Variants in TENM2 observed in about 807,000 individuals in gnomAD.
TENM2 encodes teneurin transmembrane protein 2.
In TENM2, 52 loss-of-function variants were observed where a neutral mutation model predicts 245.2. The observed-to-expected ratio is 0.21, with a 90% CI of 0.17 to 0.27. The LOEUF (loss-of-function observed/expected upper bound fraction) is 0.27. Among genes scored for constraint, TENM2 ranks in the 10% least tolerant of loss-of-function variants. The probability of loss-of-function intolerance (pLI) is 1.00; values close to 1 mark genes in which losing one functional copy is unlikely to be tolerated. For missense variants in TENM2, 3,046 were observed against 3,666.8 expected (o/e 0.83, Z 4.37); for synonymous variants, 1,363 against 1,438.9 (o/e 0.95, Z 1.19).
chr5:167,265,783 T>G, the TENM2 span, among the ~76,000 whole-genome samples: 74 of 152,314 alleles, frequency 4.9e-4, no homozygotes, highest in Admixed American at 9.2e-4. Context: ...GCACACATGT[T>G]ACGGTTCCAG....
chr5:167,800,445 G>A (rs1200080156), intron 2 of TENM2, among the ~76,000 whole-genome samples: 1 of 152,148 alleles, frequency 6.6e-6, no homozygotes, highest in Non-Finnish European at 1.5e-5. Flanking sequence ...TTATCCAGGT[G>A]ACTTGCTCAA....
chr5:167,512,686 T>C (rs1770051452), intron 2 of TENM2, among the ~76,000 whole-genome samples: 1 of 152,194 alleles, frequency 6.6e-6, no homozygotes, highest in African/African-American at 2.4e-5. Context: ...TATTACAAAA[T>C]TATTTTTAAA....
intron 3 of TENM2, among the ~76,000 whole-genome samples, chr5:167,898,686 C>A (rs979458436): frequency 1.6e-4 from 24 of 152,248 alleles, no homozygotes; most frequent in African/African-American, 5.8e-4. Context: ...TTAAGGAGAA[C>A]CTTGCCTAAG....
chr5:167,259,445 T>C, the TENM2 span, among the ~76,000 whole-genome samples: 1 of 152,198 alleles, frequency 6.6e-6, no homozygotes. Context: ...ATCATTTAAA[T>C]AATGAGTCAA....
At chr5:167,769,699 A>T (rs2150757439) in intron 2 of TENM2, among the ~76,000 whole-genome samples, 1 of 152,290 alleles carries the variant, frequency 6.6e-6, no homozygotes, top group South Asian at 2.1e-4. Context: ...CTATGTCTGC[A>T]AATCAACACT....
At chr5:167,734,289 T>G (rs75436596) in intron 2 of TENM2, among the ~76,000 whole-genome samples, 6,021 of 152,124 alleles carry the variant, frequency 0.04, 414 homozygotes, top group East Asian at 0.25. Flanking sequence ...TAAAGCTAAC[T>G]GTGAGGACTC....
chr5:167,341,637 G>C (rs1758103862), intron 1 of TENM2, among the ~76,000 whole-genome samples: 1 of 151,804 alleles, frequency 6.6e-6, no homozygotes. Context: ...TTAAATGTCT[G>C]TATATTATTG....
intron 2 of TENM2, among the ~76,000 whole-genome samples, chr5:167,378,470 T>C (rs1760902216): frequency 1.3e-5 from 2 of 151,652 alleles, no homozygotes; most frequent in Non-Finnish European, 2.9e-5. Context: ...CTGGCTTGGA[T>C]TGGGTTGCTT....
chr5:168,205,377 G>A (rs2152540856), intron 19 of TENM2, among the ~76,000 whole-genome samples: 1 of 151,698 alleles, frequency 6.6e-6, no homozygotes. Flanking sequence ...TTTGTGTTCT[G>A]GTAAGGAGCC....
At chr5:167,121,701 G>T in the TENM2 span, among the ~76,000 whole-genome samples, 1 of 152,318 alleles carries the variant, frequency 6.6e-6, no homozygotes, top group Admixed American at 6.5e-5. Flanking sequence ...AAAGTCTCTA[G>T]GAGTACATAG....
chr5:167,951,036 T>C (rs910155414), intron 3 of TENM2, among the ~76,000 whole-genome samples: 2 of 152,238 alleles, frequency 1.3e-5, no homozygotes, highest in Non-Finnish European at 2.9e-5. Flanking sequence ...TCAAGGAACC[T>C]GTTTCCTCCA....
the TENM2 span, among the ~76,000 whole-genome samples, chr5:166,996,633 C>A: frequency 6.6e-6 from 1 of 152,164 alleles, no homozygotes; most frequent in East Asian, 1.9e-4. Flanking sequence ...TGATACAAAG[C>A]CTGTGCTCAT....
At chr5:167,115,384 TC>T in the TENM2 span, among the ~76,000 whole-genome samples, 4 of 152,226 alleles carry the variant, frequency 2.6e-5, no homozygotes, top group African/African-American at 4.8e-5. Flanking sequence ...GTGCATTTAT[TC>T]TTGATACGAA....
chr5:167,931,753 C>A (rs1429083718), intron 3 of TENM2, among the ~76,000 whole-genome samples: 1 of 152,148 alleles, frequency 6.6e-6, no homozygotes, highest in Non-Finnish European at 1.5e-5. Context: ...TCAGAAATAG[C>A]TGGATTATTT....
Position 167,474,519 on chromosome 5 carries a change from C to CTTT in TENM2, c.502+99056_502+99058dup, listed in dbSNP as rs35361317. On this transcript the variant is annotated intron_variant, in intron 2 of 28. Transcript: ENST00000518659. ...TAGACTGTTTTTTTAAATAAGTAGA[C>CTTT]TTTTTTTTTTTTGAGACGGAGTCTC... is the stretch of plus-strand genomic sequence containing the variant. 9.0e-4 allele frequency among the ~76,000 whole-genome samples: 133 copies of CTTT among 147,494 alleles called. 1 individual carries two copies. Among genetic ancestry groups the CTTT allele is most frequent in the Middle Eastern group, 3.5e-3 (1 of 286 alleles).
At chr5:167,507,576 G>A (rs1769639789) in intron 2 of TENM2, among the ~76,000 whole-genome samples, 1 of 152,150 alleles carries the variant, frequency 6.6e-6, no homozygotes, top group Admixed American at 6.6e-5. Flanking sequence ...TCACATCACT[G>A]GTCTGGGCCA....
At chr5:167,774,312 T>G (rs952837325) in intron 2 of TENM2, among the ~76,000 whole-genome samples, 5 of 152,162 alleles carry the variant, frequency 3.3e-5, no homozygotes, top group Admixed American at 3.3e-4. Flanking sequence ...AGGCAGCTTC[T>G]TGAGATAAAA....
intron 2 of TENM2, among the ~76,000 whole-genome samples, chr5:167,505,536 TAGG>T (rs113312920): frequency 0.027 from 4,184 of 152,238 alleles, 116 homozygotes; most frequent in East Asian, 0.079. Flanking sequence ...CTAATGGAAA[TAGG>T]AGAATTGAAA....
intron 2 of TENM2, among the ~76,000 whole-genome samples, chr5:167,419,424 G>A (rs1763360401): frequency 6.6e-6 from 1 of 152,144 alleles, no homozygotes; most frequent in African/African-American, 2.4e-5. Flanking sequence ...TGGTGCCACC[G>A]CACTCCAGCC....
Sources: gnomAD v4.1 joint callset for allele counts (sites outside exome capture counted in the v4.1 genomes callset) on GRCh38, gnomAD v4.1.1 for gene constraint, MANE v1.5 for transcripts, NCBI Gene and HGNC (gene_info 2026-07-23, HGNC 2026-07-21) for gene names.